Variants in ZMYM4 observed in about 807,000 individuals in gnomAD.
The protein encoded by ZMYM4 is zinc finger MYM-type protein 4.
In ZMYM4, 31 loss-of-function variants were observed where a neutral mutation model predicts 183.2. The ratio of observed to expected loss-of-function variants is 0.17; its 90% CI spans 0.13 to 0.23. The LOEUF (loss-of-function observed/expected upper bound fraction) is 0.23. ZMYM4 is among the 10% of genes least tolerant of loss of function. The pLI, the probability that ZMYM4 is intolerant of heterozygous loss-of-function variation, is 1.00. For synonymous variants in ZMYM4, 592 were observed against 631.2 expected, an observed-to-expected ratio of 0.94 and a Z score of 0.93; for missense variants, 1,273 against 1,840.3, an observed-to-expected ratio of 0.69 and a Z score of 5.64.
chr1:35,291,634 CTTT>C (rs1296107892), intron 1 of ZMYM4, among the ~76,000 whole-genome samples: 1 of 129,336 alleles, frequency 7.7e-6, no homozygotes, highest in African/African-American at 2.8e-5. Flanking sequence ...GTGATTGTTA[CTTT>C]TTTTTTTTTT....
intron 1 of ZMYM4, among the ~76,000 whole-genome samples, chr1:35,284,001 G>T (rs190529911): frequency 2.7e-5 from 4 of 150,438 alleles, no homozygotes; most frequent in Admixed American, 1.3e-4. Flanking sequence ...ACGGAGTCTC[G>T]CTCTGTCGCC....
chr1:35,399,705 G>T, intron 23 of ZMYM4, 129 bp downstream of exon 23: 1 of 904,274 alleles, frequency 1.1e-6, no homozygotes, highest in South Asian at 2.0e-5. Context: ...TGCAACTTTT[G>T]TTTTTTGAAT....
intron 2 of ZMYM4, among the ~76,000 whole-genome samples, chr1:35,330,095 G>C (rs1177958012): frequency 6.6e-6 from 1 of 151,938 alleles, no homozygotes; most frequent in Non-Finnish European, 1.5e-5. Flanking sequence ...CATGCCTGTA[G>C]TCCCAGCTGC....
intron 25 of ZMYM4, 105 bp from the exon 26 acceptor site, chr1:35,407,903 C>A: frequency 7.0e-7 from 1 of 1,421,940 alleles, no homozygotes; most frequent in Non-Finnish European, 9.7e-7. Context: ...CACTAGTCTG[C>A]ACCGCAGTGC....
At position 35,370,642 on chromosome 1, in the gene ZMYM4, T is replaced by C; in HGVS notation, c.1181+15T>C. ...AGTTGCTCAAAGTATAGCAGAATTC[T>C]AAATTATCTTTTTTGTTTCTTTCCT... is the stretch of plus-strand genomic sequence containing the variant. On this transcript the variant is annotated intron_variant, in intron 7 of 29. Coordinates refer to ENST00000314607, the MANE Select transcript of ZMYM4 (RefSeq NM_005095.3). 6.4e-7 allele frequency: 1 copy of C among 1,566,502 alleles called. No homozygotes were observed. Among genetic ancestry groups the C allele is most frequent in the South Asian group, 1.2e-5 (1 of 83,516 alleles).
At chr1:35,346,643 T>C (rs1570403053) in intron 2 of ZMYM4, among the ~76,000 whole-genome samples, 1 of 99,344 alleles carries the variant, frequency 1.0e-5, no homozygotes, top group Admixed American at 1.5e-4. Flanking sequence ...AAAGTGAGAC[T>C]CCATCTCAAA....
chr1:35,323,137 G>T (rs1040255925), intron 1 of ZMYM4, among the ~76,000 whole-genome samples: 1 of 151,844 alleles, frequency 6.6e-6, no homozygotes, highest in Admixed American at 6.6e-5. Flanking sequence ...AAGTAGCTGG[G>T]ATTACAGGTG....
Position 35,405,432 on chromosome 1 carries a change from G to A in ZMYM4, c.3760G>A (p.Ala1254Thr). Reference sequence around the variant, plus strand: ...CCCCTTAGGAAGTACTCAAGACCATGCACTCTCTCAAGAATCCTCAGAGCC... The same window carrying A: ...CCCCTTAGGAAGTACTCAAGACCATACACTCTCTCAAGAATCCTCAGAGCC... ...SDPLGSTQDH[A>T]LSQESSEPGC... Residue 1254 changes from alanine to threonine, a missense_variant, in exon 25 of 30, where the codon GCA becomes ACA. Transcript: ENST00000314607. 3 of 1,612,846 alleles carry A rather than the reference G, an allele frequency of 1.9e-6. No individual in the cohort carries two copies. Among genetic ancestry groups the A allele is most frequent in the Non-Finnish European group, 2.5e-6 (3 of 1,179,528 alleles).
chr1:35,318,884 GTGTTTT>G (rs747419652), intron 1 of ZMYM4, among the ~76,000 whole-genome samples: 1 of 152,134 alleles, frequency 6.6e-6, no homozygotes, highest in Non-Finnish European at 1.5e-5. Flanking sequence ...AACTGACACA[GTGTTTT>G]TGTTTTTGTT....
intron 2 of ZMYM4, chr1:35,350,698 A>C: frequency 2.8e-6 from 1 of 361,522 alleles, no homozygotes; most frequent in African/African-American, 2.1e-5. Flanking sequence ...GTCCAGCTGC[A>C]GACAAAGATC....
At chr1:35,288,381 C>CA (rs1242272865) in intron 1 of ZMYM4, among the ~76,000 whole-genome samples, 3 of 152,162 alleles carry the variant, frequency 2.0e-5, no homozygotes, top group Non-Finnish European at 4.4e-5. Flanking sequence ...GGTTATTGGT[C>CA]AGAGTTTTTT....
intron 23 of ZMYM4, chr1:35,399,982 A>C (rs1644875031): frequency 6.2e-6 from 1 of 161,654 alleles, no homozygotes; most frequent in Admixed American, 6.0e-5. Flanking sequence ...CTCTACTAAA[A>C]ATACAACAAA....
chr1:35,270,399 T>C (rs2148658809), intron 1 of ZMYM4, among the ~76,000 whole-genome samples: 2 of 152,332 alleles, frequency 1.3e-5, no homozygotes, highest in Non-Finnish European at 2.9e-5. Flanking sequence ...TATTTTGAAC[T>C]ATCCGTCAAT....
intron 13 of ZMYM4, 23 bp from the exon 14 acceptor site, chr1:35,388,887 A>G (rs1169642982): frequency 6.2e-7 from 1 of 1,611,346 alleles, no homozygotes; most frequent in Non-Finnish European, 8.5e-7. Flanking sequence ...CCTAATGTTA[A>G]TTTTATCTTT....
At chr1:35,279,621 A>C (rs1167744957) in intron 1 of ZMYM4, among the ~76,000 whole-genome samples, 1 of 152,112 alleles carries the variant, frequency 6.6e-6, no homozygotes, top group Non-Finnish European at 1.5e-5. Context: ...TCTTCAATTT[A>C]TCTCTTTCTT....
At chr1:35,416,191 A>T (rs1570561235) in intron 28 of ZMYM4, among the ~76,000 whole-genome samples, 1 of 152,240 alleles carries the variant, frequency 6.6e-6, no homozygotes, top group African/African-American at 2.4e-5. Context: ...ACACAATAGA[A>T]TAATAGCAGT....
intron 2 of ZMYM4, among the ~76,000 whole-genome samples, chr1:35,357,132 C>T (rs921099924): frequency 4.6e-5 from 7 of 152,322 alleles, no homozygotes; most frequent in African/African-American, 1.7e-4. Context: ...TCAAACAATC[C>T]TCTGGCCTCA....
chr1:35,301,946 T>G (rs1322014417), intron 1 of ZMYM4, among the ~76,000 whole-genome samples: 1 of 152,230 alleles, frequency 6.6e-6, no homozygotes, highest in Non-Finnish European at 1.5e-5. Flanking sequence ...CAGAGCTTAC[T>G]GTTCTATTCT....
rs559595803 is a variant in ZMYM4 at position 35,398,972 on chromosome 1, A to G, written c.3362A>G (p.Glu1121Gly). 1.9e-6 allele frequency: 3 copies of G among 1,614,170 alleles called. No homozygotes were observed. The Admixed American group carries it at 5.0e-5, about 27-fold the overall frequency. Reference sequence around the variant, plus strand: ...GCCTTAAAGTCAAATGCTGTGCAAGAGGCTGATTCAGAATTGAAGCAGTTC... The same window carrying G: ...GCCTTAAAGTCAAATGCTGTGCAAGGGGCTGATTCAGAATTGAAGCAGTTC... ...HYALKSNAVQ[E>G]ADSELKQFSK... is the part of the protein sequence containing the mutation. The change falls in exon 22 of 30, where the codon GAG becomes GGG. Residue 1121 changes from glutamate (E) to glycine (G), a missense_variant. By Grantham distance (98) the Glu-to-Gly change is moderately conservative (BLOSUM62 -2). Around this residue, in one of 6 missense-constraint regions of ZMYM4, gnomAD observed 290 missense variants for 353.3 expected, o/e 0.82. Transcript: ENST00000314607.
Sources: gnomAD v4.1 joint callset for allele counts (sites outside exome capture counted in the v4.1 genomes callset) on GRCh38, gnomAD v4.1.1 for gene constraint, gnomAD v4.1.1 regional missense constraint, MANE v1.5 for transcripts, NCBI Gene and HGNC (gene_info 2026-07-23, HGNC 2026-07-21) for gene names.